LDLRAD4: variants seen among roughly 807,000 people sequenced by gnomAD.
The protein encoded by LDLRAD4 is low density lipoprotein receptor class A domain containing 4.
LDLRAD4 carries 5 observed loss-of-function variants against 17.0 expected under a neutral mutation model. That is an observed-to-expected ratio of 0.29 (90% confidence interval 0.15 to 0.62). The LOEUF (loss-of-function observed/expected upper bound fraction) is 0.62, where lower values mean the gene tolerates loss of function less well. LDLRAD4 is among the 20% of genes least tolerant of loss of function. The pLI, the probability that LDLRAD4 is intolerant of heterozygous loss-of-function variation, is 0.84. For missense variants in LDLRAD4, 340 were observed against 424.7 expected (o/e 0.80, Z 1.75); for synonymous variants, 168 against 171.8 (o/e 0.98, Z 0.17).
rs1241514168 is a variant in LDLRAD4 at position 13,490,900 on chromosome 18, G to C, written c.181+52516G>C. ...TCCAGCTAAAGCTTCTGCACCCCCT[G>C]TCCCCTTTAGATCTGGGCCTCTGTC... On this transcript the variant is annotated intron_variant, in intron 3 of 5. Transcript: ENST00000359446. Among the ~76,000 whole-genome samples the C allele has an allele frequency of 3.9e-5, 6 of 152,166 alleles. No homozygotes were observed. In the East Asian group the frequency reaches 1.2e-3, roughly 29 times the overall value.
chr18:13,554,971 G>T (rs1236278470), intron 3 of LDLRAD4, among the ~76,000 whole-genome samples: 3 of 152,212 alleles, frequency 2.0e-5, no homozygotes, highest in African/African-American at 7.2e-5. Flanking sequence ...TGTGCCGGAA[G>T]TGACACTCTA....
chr18:13,294,524 G>C (rs2046159923), intron 1 of LDLRAD4, among the ~76,000 whole-genome samples: 2 of 152,208 alleles, frequency 1.3e-5, no homozygotes, highest in African/African-American at 4.8e-5. Context: ...CTATCTCATA[G>C]AACTAAAACC....
chr18:13,346,271 A>G (rs1568032069), intron 1 of LDLRAD4, among the ~76,000 whole-genome samples: 1 of 151,912 alleles, frequency 6.6e-6, no homozygotes, highest in African/African-American at 2.4e-5. Flanking sequence ...AGATTCTTGT[A>G]TGTTGTGTCT....
At chr18:13,290,531 C>A (rs1198203018) in intron 1 of LDLRAD4, among the ~76,000 whole-genome samples, 1 of 151,000 alleles carries the variant, frequency 6.6e-6, no homozygotes, top group African/African-American at 2.4e-5. Context: ...GCTTGTTTTT[C>A]TTTCTTTATT....
In LDLRAD4 at chr18:13,403,031, A is replaced by C. The variant is rs114551623; in HGVS notation, c.40+15269A>C. 7.0e-3 allele frequency among the ~76,000 whole-genome samples: 1,073 copies of C among 152,364 alleles called. 8 individuals are homozygous for C. The highest frequency in any genetic ancestry group is 0.017 in the Middle Eastern group (5 of 294). On this transcript the variant is annotated intron_variant, in intron 2 of 5. Transcript: ENST00000359446. Reference sequence around the variant, plus strand: ...AATAGTATGTAGCTATTAAAATGATATTGAAAAACAGTATTTGCTGTCCTG... The same window carrying C: ...AATAGTATGTAGCTATTAAAATGATCTTGAAAAACAGTATTTGCTGTCCTG...
chr18:13,543,288 A>C (rs554354605), intron 3 of LDLRAD4: 1 of 152,174 alleles, frequency 6.6e-6, no homozygotes, highest in Admixed American at 6.5e-5. Context: ...TCCTGTTCCT[A>C]AAATCATCTT....
intron 3 of LDLRAD4, among the ~76,000 whole-genome samples, chr18:13,606,313 A>G (rs965393496): frequency 2.0e-5 from 3 of 152,230 alleles, no homozygotes; most frequent in African/African-American, 7.2e-5. Flanking sequence ...CTCATAAGTA[A>G]TTCCTTTTTT....
At chr18:13,573,909 GTTCCCATCTCCGCAT>G (rs2094728601) in intron 3 of LDLRAD4, among the ~76,000 whole-genome samples, 1 of 152,208 alleles carries the variant, frequency 6.6e-6, no homozygotes, top group Non-Finnish European at 1.5e-5. Context: ...TCCTTCTCCT[GTTCCCATCTCCGCAT>G]TTCCTGGTCA....
chr18:13,247,385 A>G (rs2043008627), intron 1 of LDLRAD4, among the ~76,000 whole-genome samples: 1 of 152,224 alleles, frequency 6.6e-6, no homozygotes, highest in Non-Finnish European at 1.5e-5. Flanking sequence ...TGCTAACGAA[A>G]ACCATAGACT....
chr18:13,605,694 A>G (rs2095216050), intron 3 of LDLRAD4, among the ~76,000 whole-genome samples: 1 of 152,220 alleles, frequency 6.6e-6, no homozygotes, highest in African/African-American at 2.4e-5. Flanking sequence ...TTACTGCTCT[A>G]CCTACATGTG....
chr18:13,248,090 A>G (rs1288470121), intron 1 of LDLRAD4, among the ~76,000 whole-genome samples: 3 of 151,530 alleles, frequency 2.0e-5, no homozygotes, highest in African/African-American at 4.9e-5. Flanking sequence ...CCTCCTGAGT[A>G]GCTGGGATTA....
At chr18:13,265,198 C>T (rs1312729183) in intron 1 of LDLRAD4, among the ~76,000 whole-genome samples, 2 of 152,210 alleles carry the variant, frequency 1.3e-5, no homozygotes, top group Non-Finnish European at 2.9e-5. Flanking sequence ...GCCCTGCCTC[C>T]AGCCTCTGCC....
intron 1 of LDLRAD4, among the ~76,000 whole-genome samples, chr18:13,381,255 A>G (rs2085340314): frequency 6.6e-6 from 1 of 151,626 alleles, no homozygotes; most frequent in Non-Finnish European, 1.5e-5. Context: ...TTTAGTAGAT[A>G]TGGGGACTTT....
chr18:13,260,936 CT>C (rs2043783880), intron 1 of LDLRAD4, among the ~76,000 whole-genome samples: 1 of 152,252 alleles, frequency 6.6e-6, no homozygotes, highest in Non-Finnish European at 1.5e-5. Flanking sequence ...GCAGGGCTCA[CT>C]TTTCTTCCAT....
chr18:13,563,887 A>T (rs1184172957), intron 3 of LDLRAD4, among the ~76,000 whole-genome samples: 1 of 151,668 alleles, frequency 6.6e-6, no homozygotes, highest in Non-Finnish European at 1.5e-5. Flanking sequence ...TTTTTAAAAA[A>T]TTATTTTTAT....
At chr18:13,278,499 T>C (rs1313760164) in intron 1 of LDLRAD4, 1 of 152,216 alleles carries the variant, frequency 6.6e-6, no homozygotes, top group African/African-American at 2.4e-5. Flanking sequence ...GGCCTCAGGA[T>C]GCCCTGCTCC....
At chr18:13,358,860 C>T (rs1405890969) in intron 1 of LDLRAD4, among the ~76,000 whole-genome samples, 1 of 152,034 alleles carries the variant, frequency 6.6e-6, no homozygotes, top group African/African-American at 2.4e-5. Flanking sequence ...TCAGTTAACA[C>T]AAATATGATG....
chr18:13,576,382 ACTGCACTCCAGC>A lies in LDLRAD4; in HGVS notation c.182-44731_182-44720del, dbSNP rs546517515. Among the ~76,000 whole-genome samples, 368 of 147,770 alleles carry A rather than the reference ACTGCACTCCAGC, an allele frequency of 2.5e-3. 2 individuals carry two copies. Among genetic ancestry groups the A allele is most frequent in the Non-Finnish European group, 4.5e-3 (300 of 67,364 alleles). On this transcript the variant is annotated intron_variant, in intron 3 of 5. Transcript: ENST00000359446. Reference sequence around the variant, plus strand: ...GCTTGCAGTGAGCCGAGATTGTGCCACTGCACTCCAGCCTGGGGGACAGAGCGAGACTCTGTC... The same window carrying A: ...GCTTGCAGTGAGCCGAGATTGTGCCACTGGGGGACAGAGCGAGACTCTGTC...
intron 2 of LDLRAD4, among the ~76,000 whole-genome samples, chr18:13,418,614 A>G (rs1057031738): frequency 3.3e-5 from 5 of 152,204 alleles, no homozygotes; most frequent in African/African-American, 1.2e-4. Flanking sequence ...ACTTTGGCAC[A>G]TTGCATGTTG....
Sources: gnomAD v4.1 joint callset for allele counts (sites outside exome capture counted in the v4.1 genomes callset) on GRCh38, gnomAD v4.1.1 for gene constraint, MANE v1.5 for transcripts, NCBI Gene and HGNC (gene_info 2026-07-23, HGNC 2026-07-21) for gene names.